ADK: variants seen among roughly 807,000 people sequenced by gnomAD.
ADK encodes the protein adenosine kinase, also known as N6,N6-dimethyladenosine kinase.
In ADK, 24 loss-of-function variants were observed where a neutral mutation model predicts 44.7. That is an observed-to-expected ratio of 0.54 (90% confidence interval 0.39 to 0.76). The LOEUF (loss-of-function observed/expected upper bound fraction) is 0.76. ADK is among the 30% of genes least tolerant of loss of function. The probability of loss-of-function intolerance (pLI) is 0.00; values close to 1 mark genes in which losing one functional copy is unlikely to be tolerated. For missense variants in ADK, 321 were observed against 425.1 expected (o/e 0.76, Z 2.15); for synonymous variants, 128 against 142.6 (o/e 0.90, Z 0.73).
intron 6 of ADK, among the ~76,000 whole-genome samples, chr10:74,459,157 G>A (rs559325309): frequency 2.0e-5 from 3 of 151,938 alleles, no homozygotes; most frequent in South Asian, 4.2e-4. Context: ...GTGGGTGCCT[G>A]TAATCCTAGC....
intron 4 of ADK, among the ~76,000 whole-genome samples, chr10:74,353,531 A>G (rs1386796445): frequency 1.3e-5 from 2 of 151,508 alleles, no homozygotes; most frequent in Non-Finnish European, 2.9e-5. Context: ...CAACGTAACA[A>G]ACCTGCACGT....
In ADK at chr10:74,410,005, T is replaced by G. The variant is rs147416781; in HGVS notation, c.555+11426T>G. Among the ~76,000 whole-genome samples the G allele has an allele frequency of 5.4e-3, 822 of 152,270 alleles. 8 individuals are homozygous for G. Among genetic ancestry groups the G allele is most frequent in the African/African-American group, 0.018 (763 of 41,572 alleles). On this transcript the variant is annotated intron_variant, in intron 6 of 10. Transcript: ENST00000539909. ...AGTAATCTAAAAGCAATAAAGCCCT[T>G]AAAATGAGGTAGTGTGATAAATTAT...
At position 74,535,372 on chromosome 10, in the gene ADK, A is replaced by G. The variant is rs1849414624; in HGVS notation, c.726+9946A>G. 1.3e-5 allele frequency among the ~76,000 whole-genome samples: 2 copies of G among 152,110 alleles called. 1 individual carries two copies. Among genetic ancestry groups the G allele is most frequent in the African/African-American group, 4.8e-5 (2 of 41,418 alleles). ...CAGCTATTCGGGAGGCTAAGGTGGG[A>G]GGATCGCTTGCACCTGGGAGGTTGA... On this transcript the variant is annotated intron_variant, in intron 7 of 10. Coordinates refer to ENST00000539909, the MANE Select transcript of ADK (RefSeq NM_006721.4).
rs1470512860 is a variant in ADK, at chr10:74,303,585, GTTGTTTTTT to G, written c.195-11079_195-11071del. On this transcript the variant is annotated intron_variant, in intron 3 of 10. Coordinates refer to ENST00000539909, the MANE Select transcript of ADK (RefSeq NM_006721.4). ...AAACACTTTTCATATTGGTTTTAAT[GTTGTTTTTT>G]TTTTTTTTTTTTTTTTTTTTGCTAG... is the stretch of plus-strand genomic sequence containing the variant. Among the ~76,000 whole-genome samples, 33 of 64,644 alleles carry G rather than the reference GTTGTTTTTT, an allele frequency of 5.1e-4. 4 individuals carry two copies. The highest frequency in any genetic ancestry group is 9.8e-3 in the Middle Eastern group (1 of 102). 42.4% of individuals were successfully genotyped at this position (64,644 alleles called of 152,430 possible). A position where few individuals can be genotyped will look rare whatever the true frequency, so the allele number is the denominator to read the frequency against.
intron 1 of ADK, among the ~76,000 whole-genome samples, chr10:74,152,874 A>C (rs1841645274): frequency 6.6e-6 from 1 of 152,234 alleles, no homozygotes; most frequent in Admixed American, 6.5e-5. Context: ...TTCACTTTAT[A>C]CAATATGAAT....
At chr10:74,233,983 G>A (rs1844872247) in intron 3 of ADK, among the ~76,000 whole-genome samples, 1 of 152,164 alleles carries the variant, frequency 6.6e-6, no homozygotes, top group Non-Finnish European at 1.5e-5. Flanking sequence ...ATTTATTGAG[G>A]GTAACAGAAT....
chr10:74,200,157 T>G (rs1203524013), intron 1 of ADK, among the ~76,000 whole-genome samples: 1 of 84,632 alleles, frequency 1.2e-5, no homozygotes, highest in Non-Finnish European at 2.3e-5. Context: ...ACACCATCTG[T>G]TTTTTTTTTT....
At chr10:74,644,526 G>T (rs937943326) in intron 9 of ADK, among the ~76,000 whole-genome samples, 5 of 152,040 alleles carry the variant, frequency 3.3e-5, no homozygotes, top group African/African-American at 9.7e-5. Flanking sequence ...GAAAGAATTG[G>T]TTTTTTTATT....
intron 9 of ADK, among the ~76,000 whole-genome samples, chr10:74,662,839 C>T (rs778821386): frequency 6.6e-5 from 10 of 152,176 alleles, no homozygotes; most frequent in Non-Finnish European, 8.8e-5. Context: ...AATATCACCT[C>T]CTCAGTGAGG....
At chr10:74,368,634 CT>C (rs200617775) in intron 4 of ADK, among the ~76,000 whole-genome samples, 346 of 144,336 alleles carry the variant, frequency 2.4e-3, no homozygotes, top group Middle Eastern at 7.1e-3. Context: ...CTGAAATATT[CT>C]TTTTTTTTTT....
At chr10:74,289,627 T>A (rs1374478818) in intron 3 of ADK, among the ~76,000 whole-genome samples, 1 of 152,174 alleles carries the variant, frequency 6.6e-6, no homozygotes, top group African/African-American at 2.4e-5. Context: ...AATTTCACCA[T>A]GAATATAATA....
chr10:74,405,288 C>A (rs1843877257), intron 6 of ADK, among the ~76,000 whole-genome samples: 1 of 152,050 alleles, frequency 6.6e-6, no homozygotes. Flanking sequence ...AGGAACCAGG[C>A]CACACAGCAG....
At chr10:74,536,085 C>T (rs758160956) in intron 7 of ADK, among the ~76,000 whole-genome samples, 7 of 151,672 alleles carry the variant, frequency 4.6e-5, no homozygotes, top group Non-Finnish European at 8.8e-5. Flanking sequence ...TTTCTTAAAG[C>T]TTAAACATGT....
intron 7 of ADK, among the ~76,000 whole-genome samples, chr10:74,573,332 A>G (rs570011027): frequency 1.2e-3 from 176 of 152,298 alleles, no homozygotes; most frequent in Admixed American, 3.3e-3. Context: ...TTCGTGAACC[A>G]CAAATGCTGC....
chr10:74,436,581 A>G (rs1236198722), intron 6 of ADK, among the ~76,000 whole-genome samples: 2 of 152,134 alleles, frequency 1.3e-5, no homozygotes, highest in African/African-American at 2.4e-5. Flanking sequence ...AAAAAATTCT[A>G]GTTAAAAATT....
chr10:74,610,001 A>T (rs971449033), intron 9 of ADK, among the ~76,000 whole-genome samples: 2 of 152,098 alleles, frequency 1.3e-5, no homozygotes, highest in African/African-American at 4.8e-5. Flanking sequence ...TTTCAAAAAA[A>T]TTTTCAAGGG....
chr10:74,568,729 CT>C (rs1850796686), intron 7 of ADK, among the ~76,000 whole-genome samples: 1 of 150,866 alleles, frequency 6.6e-6, no homozygotes, highest in South Asian at 2.1e-4. Context: ...TTTCAAATGC[CT>C]AGGTATTATA....
intron 4 of ADK, among the ~76,000 whole-genome samples, chr10:74,322,437 G>A (rs1352007908): frequency 6.6e-6 from 1 of 152,068 alleles, no homozygotes; most frequent in Non-Finnish European, 1.5e-5. Flanking sequence ...AGTAACACAG[G>A]CCCTACGAAT....
At position 74,274,778 on chromosome 10, in the gene ADK, TG is replaced by T. The variant is rs1372748581; in HGVS notation, c.195-39888del. On this transcript the variant is annotated intron_variant, in intron 3 of 10. Transcript: ENST00000539909. ...CACACATTATATATATATAATTTTT[TG>T]TAGAGACAGGGTCTTACTTTGTTGC... 3.1e-5 allele frequency among the ~76,000 whole-genome samples: 3 copies of T among 98,176 alleles called. No homozygotes were observed. The East Asian group carries it at 7.9e-4, about 26-fold the overall frequency. 64.4% of individuals were successfully genotyped at this position (98,176 alleles called of 152,430 possible).
Sources: allele counts gnomAD v4.1 joint callset (sites outside exome capture counted in the v4.1 genomes callset), GRCh38; gene constraint gnomAD v4.1.1; transcripts MANE v1.5; gene names NCBI Gene and HGNC (gene_info 2026-07-23, HGNC 2026-07-21).